The following KDM4C variants were observed in gnomAD, a reference collection of about 807,000 sequenced individuals.
KDM4C encodes the protein lysine demethylase 4C.
KDM4C carries 81 observed loss-of-function variants against 129.3 expected under a neutral mutation model. The observed-to-expected ratio is 0.63, with a 90% CI of 0.52 to 0.75. KDM4C has a LOEUF of 0.75. KDM4C is among the 30% of genes least tolerant of loss of function. The probability of loss-of-function intolerance (pLI) is 0.00; values close to 1 mark genes in which losing one functional copy is unlikely to be tolerated. For synonymous variants in KDM4C, 573 were observed against 456.1 expected, an observed-to-expected ratio of 1.26 and a Z score of -3.26; for missense variants, 1,457 against 1,304.0, an observed-to-expected ratio of 1.12 and a Z score of -1.81.
chr9:6,858,251 A>T (rs912436015), intron 5 of KDM4C, among the ~76,000 whole-genome samples: 1 of 116,890 alleles, frequency 8.6e-6, no homozygotes, highest in Non-Finnish European at 1.9e-5. Flanking sequence ...CAATGTTCCA[A>T]ATTTGCATAT....
chr9:7,141,224 C>A (rs1011900272), intron 19 of KDM4C, among the ~76,000 whole-genome samples: 1 of 152,176 alleles, frequency 6.6e-6, no homozygotes, highest in Non-Finnish European at 1.5e-5. Context: ...TTCTTAGTTT[C>A]TATTTCTGGT....
intron 17 of KDM4C, among the ~76,000 whole-genome samples, chr9:7,050,627 A>C (rs1282846817): frequency 6.6e-6 from 1 of 152,272 alleles, no homozygotes; most frequent in South Asian, 2.1e-4. Flanking sequence ...GATATTTGTC[A>C]AAATTCTACA....
chr9:6,927,222 C>G (rs1274911589), intron 8 of KDM4C, among the ~76,000 whole-genome samples: 1 of 152,076 alleles, frequency 6.6e-6, no homozygotes, highest in Non-Finnish European at 1.5e-5. Context: ...CTCCTCTTCC[C>G]AGGCTCAAGT....
chr9:6,889,424 A>G (rs141997439), intron 7 of KDM4C, among the ~76,000 whole-genome samples: 18 of 152,092 alleles, frequency 1.2e-4, no homozygotes, highest in African/African-American at 3.6e-4. Context: ...CGTTTTTACC[A>G]TGAAAAAATC....
chr9:6,753,246 A>T (rs1190001727), upstream of KDM4C, among the ~76,000 whole-genome samples: 1 of 152,104 alleles, frequency 6.6e-6, no homozygotes, highest in Non-Finnish European at 1.5e-5. Flanking sequence ...TGGATCTAAA[A>T]CTTTTCTTCC....
chr9:7,047,708 A>G (rs1829605640), intron 16 of KDM4C, among the ~76,000 whole-genome samples: 2 of 152,006 alleles, frequency 1.3e-5, no homozygotes, highest in African/African-American at 4.8e-5. Context: ...CTAAAATTTA[A>G]AATTGAGAGA....
In KDM4C at chr9:6,854,525, C is replaced by CAAAAAA. The variant is rs1177446839; in HGVS notation, c.629+4840_629+4845dup. Among the ~76,000 whole-genome samples, 123 of 41,294 alleles carry CAAAAAA rather than the reference C, an allele frequency of 3.0e-3. 1 individual carries two copies. The highest frequency in any genetic ancestry group is 0.016 in the Middle Eastern group (1 of 62). 27.1% of individuals were successfully genotyped at this position (41,294 alleles called of 152,430 possible). A position where few individuals can be genotyped will look rare whatever the true frequency, so the allele number is the denominator to read the frequency against. ...GGGCAACAAGAGCGAAACTCCGTCT[C>CAAAAAA]AAAAAAAAAAAAAAAAAAAACAAAA... On this transcript the variant is annotated intron_variant, in intron 5 of 21. Coordinates refer to ENST00000381309, the MANE Select transcript of KDM4C (RefSeq NM_015061.6).
At chr9:6,944,482 C>A (rs1589238951) in intron 8 of KDM4C, among the ~76,000 whole-genome samples, 1 of 152,180 alleles carries the variant, frequency 6.6e-6, no homozygotes, top group East Asian at 1.9e-4. Context: ...GCTTTCATCA[C>A]CTAAATTAGG....
intron 17 of KDM4C, among the ~76,000 whole-genome samples, chr9:7,085,204 A>G (rs1273207453): frequency 6.6e-6 from 1 of 152,232 alleles, no homozygotes; most frequent in Non-Finnish European, 1.5e-5. Flanking sequence ...GAGGAGGAGC[A>G]CACTGGGCTT....
rs1024717952 is a variant in KDM4C at position 6,758,311 on chromosome 9, G to A, written c.-18+108G>A. The A allele has an allele frequency of 1.6e-6, 1 of 615,136 alleles. No homozygotes were observed. Among genetic ancestry groups the A allele is most frequent in the Non-Finnish European group, 2.0e-6 (1 of 491,550 alleles). 38.1% of individuals were successfully genotyped at this position (615,136 alleles called of 1,614,324 possible). A position where few individuals can be genotyped will look rare whatever the true frequency, so the allele number is the denominator to read the frequency against. On this transcript the variant is annotated intron_variant, in intron 1 of 21. Transcript: ENST00000381309. This position sits in a 1 kb window ranked among gnomAD's most constrained non-coding sequence, Gnocchi z 4.6. ...GGCACGGGGGTGCGGGCGTCCGGGC[G>A]AGCGGCGACGCTGGGGCAGAGACGC... is the stretch of plus-strand genomic sequence containing the variant.
intron 1 of KDM4C, among the ~76,000 whole-genome samples, chr9:6,730,803 T>TA (rs1817307261): frequency 6.6e-6 from 1 of 152,146 alleles, no homozygotes; most frequent in South Asian, 2.1e-4. Flanking sequence ...GTGGATTCGT[T>TA]ACAGCTCCGC....
At chr9:6,774,354 A>G (rs1822554086) in intron 1 of KDM4C, among the ~76,000 whole-genome samples, 1 of 152,128 alleles carries the variant, frequency 6.6e-6, no homozygotes, top group African/African-American at 2.4e-5. Context: ...TGCTTGACAT[A>G]CAGAGGGATT....
At chr9:6,880,957 C>G (rs1189569656) in intron 6 of KDM4C, among the ~76,000 whole-genome samples, 1 of 152,148 alleles carries the variant, frequency 6.6e-6, no homozygotes, top group Non-Finnish European at 1.5e-5. Context: ...AAGTGGAGTT[C>G]CATTTGAGTG....
chr9:6,741,390 A>AT, intron 1 of KDM4C, among the ~76,000 whole-genome samples: 1 of 152,150 alleles, frequency 6.6e-6, no homozygotes, highest in South Asian at 2.1e-4. Context: ...GCGAGACTCT[A>AT]TCTCAAAAAA....
intron 1 of KDM4C, among the ~76,000 whole-genome samples, chr9:6,760,653 C>T (rs989474882): frequency 1.3e-5 from 2 of 151,976 alleles, no homozygotes; most frequent in Non-Finnish European, 2.9e-5. Context: ...TCACTGCAAG[C>T]TCCGCCTCCT....
chr9:6,732,779 G>A (rs978855134), intron 1 of KDM4C, among the ~76,000 whole-genome samples: 3 of 151,946 alleles, frequency 2.0e-5, no homozygotes, highest in South Asian at 2.1e-4. Flanking sequence ...TTGGGAGGCC[G>A]AGATGGGCAG....
chr9:6,861,080 T>C (rs1175616270), intron 5 of KDM4C, among the ~76,000 whole-genome samples: 2 of 152,236 alleles, frequency 1.3e-5, no homozygotes, highest in Non-Finnish European at 2.9e-5. Flanking sequence ...AATAAATCCC[T>C]GCACTGGACT....
intron 4 of KDM4C, chr9:6,835,345 C>A: frequency 9.9e-7 from 1 of 1,005,898 alleles, no homozygotes; most frequent in Non-Finnish European, 1.6e-6. Flanking sequence ...CAACACATTG[C>A]TGTCTGGCGG....
chr9:7,130,858 C>T (rs910443211), intron 19 of KDM4C, among the ~76,000 whole-genome samples: 2 of 151,892 alleles, frequency 1.3e-5, no homozygotes, highest in Non-Finnish European at 2.9e-5. Context: ...TCCTGGGCTC[C>T]GGTGATCCTC....
Sources: allele counts gnomAD v4.1 joint callset (sites outside exome capture counted in the v4.1 genomes callset), GRCh38; gene constraint gnomAD v4.1.1; non-coding constraint Gnocchi (gnomAD v3.1); transcripts MANE v1.5; gene names NCBI Gene and HGNC (gene_info 2026-07-23, HGNC 2026-07-21).